ATXN8OS: variants seen among roughly 807,000 people sequenced by gnomAD.
The protein encoded by ATXN8OS is ATXN8 opposite strand lncRNA.
chr13:70,114,183 GT>G (rs769638356), intron 1 of ATXN8OS, among the ~76,000 whole-genome samples: 20 of 152,192 alleles, frequency 1.3e-4, no homozygotes, highest in Admixed American at 5.9e-4. Flanking sequence ...TTTACACCCA[GT>G]CAGGATGCTT....
In ATXN8OS at chr13:70,167,723, C is replaced by CTTTTTTTT. The variant is rs4053603; in HGVS notation, n.574-2011_574-2004dup. 1.6e-4 allele frequency among the ~76,000 whole-genome samples: 10 copies of CTTTTTTTT among 61,880 alleles called. 2 individuals carry two copies. The highest frequency in any genetic ancestry group is 2.8e-4 in the African/African-American group (5 of 17,820). The allele number at this position is 61,880 out of a possible 152,430, so 40.6% of individuals were successfully genotyped here. A position where few individuals can be genotyped will look rare whatever the true frequency, so the allele number is the denominator to read the frequency against. On this transcript the variant is annotated intron_variant and non_coding_transcript_variant, in intron 4 of 4. Coordinates refer to ENST00000678624, the Ensembl canonical transcript of ATXN8OS. ...AATACTATCACAACATATGTAACTT[C>CTTTTTTTT]TTTTTTTTTTTTTTTTTTTTTTTTT...
At chr13:70,125,330 T>C (rs1436021875) in intron 2 of ATXN8OS, among the ~76,000 whole-genome samples, 1 of 152,184 alleles carries the variant, frequency 6.6e-6, no homozygotes, top group Non-Finnish European at 1.5e-5. Context: ...TGTCAATATA[T>C]TTTGAAGAAA....
intron 4 of ATXN8OS, among the ~76,000 whole-genome samples, chr13:70,168,830 T>C (rs1445202148): frequency 6.6e-6 from 1 of 152,246 alleles, no homozygotes; most frequent in African/African-American, 2.4e-5. Flanking sequence ...AGAAAACCCA[T>C]GTTTTGTGAA....
chr13:70,140,556 A>T (rs1029101469), intron 3 of ATXN8OS, among the ~76,000 whole-genome samples: 6 of 150,060 alleles, frequency 4.0e-5, no homozygotes, highest in Admixed American at 3.3e-4. Context: ...ACGGAGAAGA[A>T]ATGTTAAAGT....
chr13:70,128,454 AAGAAGGGG>A (rs1888476422), intron 2 of ATXN8OS, among the ~76,000 whole-genome samples: 1 of 152,150 alleles, frequency 6.6e-6, no homozygotes, highest in Admixed American at 6.6e-5. Context: ...TAGTTGTACT[AAGAAGGGG>A]AGGGCAAATG....
chr13:70,160,824 T>A (rs1889000027), intron 4 of ATXN8OS, among the ~76,000 whole-genome samples: 1 of 66,380 alleles, frequency 1.5e-5, no homozygotes, highest in Non-Finnish European at 4.3e-5. Flanking sequence ...TATATAAATA[T>A]ATATTTATAT....
chr13:70,109,370 A>T (rs1888160248), intron 1 of ATXN8OS, among the ~76,000 whole-genome samples: 1 of 152,222 alleles, frequency 6.6e-6, no homozygotes, highest in East Asian at 1.9e-4. Context: ...AACTTAACCA[A>T]GAATATGGTT....
intron 3 of ATXN8OS, among the ~76,000 whole-genome samples, chr13:70,130,393 C>T (rs1470412063): frequency 2.0e-5 from 3 of 152,046 alleles, no homozygotes; most frequent in Non-Finnish European, 2.9e-5. Context: ...AATGAGCACA[C>T]GCTTACTAAT....
At chr13:70,166,865 A>G (rs1429067988) in intron 4 of ATXN8OS, among the ~76,000 whole-genome samples, 3 of 151,836 alleles carry the variant, frequency 2.0e-5, no homozygotes, top group Non-Finnish European at 1.5e-5. Context: ...GGATATAAAC[A>G]GACACTTCTC....
chr13:70,166,762 C>A (rs1889081118), intron 4 of ATXN8OS, among the ~76,000 whole-genome samples: 1 of 152,072 alleles, frequency 6.6e-6, no homozygotes, highest in South Asian at 2.1e-4. Flanking sequence ...ATTTTTCCAA[C>A]CTACTCATCT....
At chr13:70,144,610 A>G (rs1187828957) in intron 3 of ATXN8OS, among the ~76,000 whole-genome samples, 1 of 152,084 alleles carries the variant, frequency 6.6e-6, no homozygotes, top group African/African-American at 2.4e-5. Flanking sequence ...CCTTTAATAT[A>G]TCTTTCCCAA....
rs74093258 is a variant in ATXN8OS at position 70,126,868 on chromosome 13, T to G, written n.399-2916T>G. Among the ~76,000 whole-genome samples, 821 of 151,852 alleles carry G rather than the reference T, an allele frequency of 5.4e-3. 6 individuals are homozygous for G. The highest frequency in any genetic ancestry group is 0.019 in the African/African-American group (782 of 41,498). ...TCTATATATCAACAGATACAGAGTT[T>G]ACACATTTATAGAGTTTTCTATAGA... On this transcript the variant is annotated intron_variant and non_coding_transcript_variant, in intron 2 of 4. Transcript: ENST00000678624.
chr13:70,149,569 T>C (rs1294303080), intron 4 of ATXN8OS, among the ~76,000 whole-genome samples: 1 of 152,142 alleles, frequency 6.6e-6, no homozygotes, highest in East Asian at 1.9e-4. Context: ...GCTATAAAAA[T>C]GTTGATTTTA....
At chr13:70,119,224 C>A (rs933596153) in intron 2 of ATXN8OS, among the ~76,000 whole-genome samples, 1 of 152,074 alleles carries the variant, frequency 6.6e-6, no homozygotes, top group Non-Finnish European at 1.5e-5. Context: ...GCTTGTCTCT[C>A]AAACTTACAA....
chr13:70,165,630 G>A (rs1889068309), intron 4 of ATXN8OS, among the ~76,000 whole-genome samples: 1 of 151,680 alleles, frequency 6.6e-6, no homozygotes, highest in Admixed American at 6.6e-5. Flanking sequence ...TACATATGAG[G>A]AAAAAAACTA....
At chr13:70,110,591 G>C (rs1038839114) in intron 1 of ATXN8OS, among the ~76,000 whole-genome samples, 4 of 151,938 alleles carry the variant, frequency 2.6e-5, no homozygotes, top group Non-Finnish European at 4.4e-5. Context: ...GACTGCGAGA[G>C]AGGGAAAGAC....
chr13:70,120,444 T>A (rs1197275563), intron 2 of ATXN8OS, among the ~76,000 whole-genome samples: 1 of 152,164 alleles, frequency 6.6e-6, no homozygotes, highest in African/African-American at 2.4e-5. Context: ...TAATTTAGAC[T>A]ATTAGGAGGA....
At chr13:70,170,317 T>C (rs1354330121) in exon 5 of ATXN8OS, among the ~76,000 whole-genome samples, 1 of 152,052 alleles carries the variant, frequency 6.6e-6, no homozygotes, top group African/African-American at 2.4e-5. Context: ...ACCTTAATGG[T>C]TTAAGGTCTT....
chr13:70,142,851 A>T (rs1888735865), intron 3 of ATXN8OS, among the ~76,000 whole-genome samples: 1 of 152,166 alleles, frequency 6.6e-6, no homozygotes, highest in Non-Finnish European at 1.5e-5. Context: ...AGGCGGGAGG[A>T]TCACCTGAGG....
Sources: gnomAD v4.1 joint callset for allele counts (sites outside exome capture counted in the v4.1 genomes callset) on GRCh38, gnomAD v4.1.1 for gene constraint, MANE v1.5 for transcripts, NCBI Gene and HGNC (gene_info 2026-07-23, HGNC 2026-07-21) for gene names.